The following FAM227B variants were observed in gnomAD, a reference collection of about 807,000 sequenced individuals.
The protein encoded by FAM227B is family with sequence similarity 227 member B.
A neutral mutation model predicts 73.8 loss-of-function variants in FAM227B; 88 were observed. The ratio of observed to expected loss-of-function variants is 1.19; its 90% CI spans 1.00 to 1.42. The LOEUF is 1.42. Ranked by LOEUF, FAM227B falls within the 40% of genes most tolerant of loss-of-function variation. The pLI is 0.00. For missense variants in FAM227B, 632 were observed against 590.9 expected (o/e 1.07, Z -0.72); for synonymous variants, 210 against 190.5 (o/e 1.10, Z -0.84).
chr15:49,478,374 A>G (rs1304724377), intron 11 of FAM227B, among the ~76,000 whole-genome samples: 2 of 149,314 alleles, frequency 1.3e-5, no homozygotes, highest in Non-Finnish European at 3.0e-5. Flanking sequence ...TGTTTTTTGT[A>G]TATGTTGGAT....
In FAM227B at chr15:49,414,776, T is replaced by C. The variant is rs144262885; in HGVS notation, c.1013-43377A>G. On this transcript the variant is annotated intron_variant, in intron 11 of 15. Transcript: ENST00000299338. ...GAAGAAGTTGTGGTAGAATTGACAT[T>C]TTTTGGAATTAATTAGAGGAATAAG... is the stretch of plus-strand genomic sequence containing the variant. Among the ~76,000 whole-genome samples the C allele has an allele frequency of 1.9e-3, 293 of 152,106 alleles. 1 individual carries two copies. The highest frequency in any genetic ancestry group is 6.7e-3 in the African/African-American group (276 of 41,496).
chr15:49,498,129 AATG>A (rs1392056973), intron 11 of FAM227B, among the ~76,000 whole-genome samples: 1 of 152,364 alleles, frequency 6.6e-6, no homozygotes, highest in African/African-American at 2.4e-5. Context: ...CTTATTCTAC[AATG>A]ATAATTTTAA....
chr15:49,512,707 C>A (rs1235506399), intron 10 of FAM227B, among the ~76,000 whole-genome samples: 1 of 152,004 alleles, frequency 6.6e-6, no homozygotes, highest in African/African-American at 2.4e-5. Context: ...TTAAGCCCTG[C>A]ATGCATTAGC....
chr15:49,394,596 T>C (rs753681875), intron 11 of FAM227B, among the ~76,000 whole-genome samples: 1 of 152,150 alleles, frequency 6.6e-6, no homozygotes, highest in African/African-American at 2.4e-5. Context: ...CTGTATACAG[T>C]TAGCTGCACA....
At chr15:49,499,567 T>C (rs2057967535) in intron 11 of FAM227B, among the ~76,000 whole-genome samples, 2 of 152,094 alleles carry the variant, frequency 1.3e-5, no homozygotes, top group South Asian at 4.1e-4. Context: ...TATATGGAAA[T>C]GACAAGAATC....
At chr15:49,551,060 A>C (rs1415801632) in intron 9 of FAM227B, among the ~76,000 whole-genome samples, 1 of 152,190 alleles carries the variant, frequency 6.6e-6, no homozygotes, top group African/African-American at 2.4e-5. Context: ...CTGGCGGATC[A>C]CTCGCCGCTA....
At chr15:49,427,474 C>T (rs1026284318) in intron 11 of FAM227B, among the ~76,000 whole-genome samples, 1 of 151,936 alleles carries the variant, frequency 6.6e-6, no homozygotes, top group Non-Finnish European at 1.5e-5. Flanking sequence ...TAAATTTTTT[C>T]AACAGGTTGT....
At chr15:49,494,014 A>T (rs1174826857) in intron 11 of FAM227B, among the ~76,000 whole-genome samples, 2 of 151,854 alleles carry the variant, frequency 1.3e-5, no homozygotes, top group Non-Finnish European at 2.9e-5. Context: ...CAATTTTATG[A>T]GGATCAGATT....
intron 5 of FAM227B, among the ~76,000 whole-genome samples, chr15:49,587,665 G>A (rs749078692): frequency 6.6e-6 from 1 of 151,754 alleles, no homozygotes; most frequent in Non-Finnish European, 1.5e-5. Flanking sequence ...TTTAAAATTG[G>A]CAAAGTAAAG....
At position 49,590,026 on chromosome 15, in the gene FAM227B, A is replaced by G. The variant is rs1374883299; in HGVS notation, c.106-19T>C. On this transcript the variant is annotated intron_variant, in intron 3 of 15. Transcript: ENST00000299338. ...AATAATCCTGCAAAAAACGTGAAAGAGAGAATATAGCTTAAGTCATTTTTA... is the reference window on the plus strand; with the variant it reads ...AATAATCCTGCAAAAAACGTGAAAGGGAGAATATAGCTTAAGTCATTTTTA... 4 of 1,214,864 alleles carry G rather than the reference A, an allele frequency of 3.3e-6. No individual in the cohort carries two copies. Among genetic ancestry groups the G allele is most frequent in the Non-Finnish European group, 4.9e-6 (4 of 820,280 alleles). 75.3% of individuals were successfully genotyped at this position (1,214,864 alleles called of 1,614,324 possible).
rs550633368 is a variant in FAM227B at position 49,564,931 on chromosome 15, C to T, written c.747+3314G>A. Among the ~76,000 whole-genome samples, 10 of 152,074 alleles carry T rather than the reference C, an allele frequency of 6.6e-5. No individual in the cohort carries two copies. In the East Asian group the frequency reaches 1.2e-3, roughly 18 times the overall value. ...CAGGATCTTTCATACAATATACCCACGTAACGAACCTGCACGTGCACTCCC... is the reference window on the plus strand; with the variant it reads ...CAGGATCTTTCATACAATATACCCATGTAACGAACCTGCACGTGCACTCCC... On this transcript the variant is annotated intron_variant, in intron 9 of 15. Transcript: ENST00000299338.
intron 11 of FAM227B, among the ~76,000 whole-genome samples, chr15:49,480,060 A>C (rs1016669064): frequency 6.6e-6 from 1 of 152,214 alleles, no homozygotes; most frequent in Admixed American, 6.5e-5. Context: ...GGAACAAAAT[A>C]GACTAGAAAA....
At chr15:49,378,142 C>G (rs1358787052) in intron 11 of FAM227B, among the ~76,000 whole-genome samples, 1 of 152,036 alleles carries the variant, frequency 6.6e-6, no homozygotes, top group Non-Finnish European at 1.5e-5. Flanking sequence ...ATGTTCTTGG[C>G]ACTTTTGTTA....
At chr15:49,587,348 G>A (rs1384908571) in intron 5 of FAM227B, among the ~76,000 whole-genome samples, 1 of 152,134 alleles carries the variant, frequency 6.6e-6, no homozygotes, top group Non-Finnish European at 1.5e-5. Context: ...ATGGCAGGAG[G>A]AGGGAGAAAA....
At chr15:49,346,228 C>G (rs1197588576) in intron 13 of FAM227B, among the ~76,000 whole-genome samples, 1 of 152,184 alleles carries the variant, frequency 6.6e-6, no homozygotes, top group Non-Finnish European at 1.5e-5. Context: ...ACCACCAGCC[C>G]TTGAGCTGGG....
chr15:49,333,630 T>C (rs773045834), intron 14 of FAM227B, among the ~76,000 whole-genome samples: 1 of 152,204 alleles, frequency 6.6e-6, no homozygotes, highest in Non-Finnish European at 1.5e-5. Flanking sequence ...TTTTCTGATG[T>C]GACTGGAAAA....
chr15:49,414,193 C>A (rs1283957312), intron 11 of FAM227B, among the ~76,000 whole-genome samples: 2 of 152,050 alleles, frequency 1.3e-5, no homozygotes, highest in African/African-American at 4.8e-5. Flanking sequence ...GGACCAAGGA[C>A]TTTATTGCAT....
chr15:49,589,104 T>C (rs891219426), intron 4 of FAM227B, among the ~76,000 whole-genome samples: 6 of 152,176 alleles, frequency 3.9e-5, no homozygotes, highest in African/African-American at 1.2e-4. Flanking sequence ...AAAAATGTTA[T>C]ACAAATATTG....
chr15:49,474,547 G>T (rs2055066944), intron 11 of FAM227B, among the ~76,000 whole-genome samples: 1 of 152,040 alleles, frequency 6.6e-6, no homozygotes, highest in African/African-American at 2.4e-5. Context: ...AGAGGCATCA[G>T]TAAAAAAAGG....
Sources: gnomAD v4.1 joint callset for allele counts (sites outside exome capture counted in the v4.1 genomes callset) on GRCh38, gnomAD v4.1.1 for gene constraint, MANE v1.5 for transcripts, NCBI Gene and HGNC (gene_info 2026-07-23, HGNC 2026-07-21) for gene names.